DNAH11: variants seen among roughly 807,000 people sequenced by gnomAD.
The protein encoded by DNAH11 is dynein axonemal heavy chain 11.
DNAH11 carries 442 observed loss-of-function variants against 526.0 expected under a neutral mutation model. That is an observed-to-expected ratio of 0.84 (90% CI 0.78 to 0.91). The LOEUF (loss-of-function observed/expected upper bound fraction) is 0.91, where lower values mean the gene tolerates loss of function less well. Ranked by LOEUF, DNAH11 falls within the 40% of genes least tolerant of loss-of-function variation. DNAH11 has a pLI of 0.00. For synonymous variants in DNAH11, 2,461 were observed against 1,935.9 expected (o/e 1.27, Z -7.12); for missense variants, 6,989 against 5,448.7 (o/e 1.28, Z -8.90).
chr7:21,789,013 G>C (rs931809444), intron 60 of DNAH11, among the ~76,000 whole-genome samples: 2 of 152,108 alleles, frequency 1.3e-5, no homozygotes, highest in African/African-American at 4.8e-5. Flanking sequence ...AACAGGCCAG[G>C]TGTGGTGGCA....
intron 55 of DNAH11, among the ~76,000 whole-genome samples, chr7:21,769,579 G>A (rs1787334889): frequency 6.6e-6 from 1 of 151,886 alleles, no homozygotes; most frequent in Admixed American, 6.6e-5. Context: ...CCGCCTCTCG[G>A]GTTCAAGTGA....
intron 5 of DNAH11, 33 bp downstream of exon 5, chr7:21,561,203 A>G: frequency 1.4e-6 from 2 of 1,464,258 alleles, no homozygotes; most frequent in Non-Finnish European, 1.9e-6. Context: ...TGGCATCAAT[A>G]TCACCATCTG....
At chr7:21,818,365 A>G (rs761906642) in intron 65 of DNAH11, 26 bp downstream of exon 65, 22 of 1,597,682 alleles carry the variant, frequency 1.4e-5, no homozygotes, top group African/African-American at 2.7e-5. Flanking sequence ...TTTTTAACAT[A>G]TATATCTTGC....
At chr7:21,555,196 C>T (rs761566573) in intron 2 of DNAH11, among the ~76,000 whole-genome samples, 7 of 152,276 alleles carry the variant, frequency 4.6e-5, no homozygotes, top group Non-Finnish European at 7.4e-5. Context: ...GCTTGGTACA[C>T]CCAATTTTTA....
At chr7:21,544,260 T>G (rs1245293465) in intron 1 of DNAH11, among the ~76,000 whole-genome samples, 1 of 152,242 alleles carries the variant, frequency 6.6e-6, no homozygotes, top group African/African-American at 2.4e-5. Flanking sequence ...TGGAGCAAGA[T>G]TCACAATTTT....
At chr7:21,560,878 A>G (rs1783429530) in intron 4 of DNAH11, among the ~76,000 whole-genome samples, 193 bp from the exon 5 acceptor site, 1 of 152,242 alleles carries the variant, frequency 6.6e-6, no homozygotes. Flanking sequence ...ACCTAAATGC[A>G]AAATAAAATA....
At chr7:21,601,761 C>G (rs1040164118) in intron 18 of DNAH11, 143 bp downstream of exon 18, 3 of 573,854 alleles carry the variant, frequency 5.2e-6, no homozygotes, top group Admixed American at 8.2e-5. Flanking sequence ...GGTTAGGAAT[C>G]TGATACTTAA....
chr7:21,735,431 C>T (rs1322455031), intron 45 of DNAH11, among the ~76,000 whole-genome samples: 1 of 152,152 alleles, frequency 6.6e-6, no homozygotes, highest in African/African-American at 2.4e-5. Context: ...CAATTGCTCT[C>T]CTCAAGCTAC....
At chr7:21,791,033 C>A (rs1377402422) in intron 61 of DNAH11, among the ~76,000 whole-genome samples, 2 of 152,162 alleles carry the variant, frequency 1.3e-5, no homozygotes, top group African/African-American at 4.8e-5. Context: ...GGCCTCAGCT[C>A]AGGCAGGAGC....
At chr7:21,861,446 C>T (rs1783060899) in intron 68 of DNAH11, among the ~76,000 whole-genome samples, 1 of 152,182 alleles carries the variant, frequency 6.6e-6, no homozygotes, top group Admixed American at 6.5e-5. Context: ...AAAAAAATTC[C>T]ACATTTCTTG....
chr7:21,678,449 A>T lies in DNAH11; in HGVS notation c.5329-3097A>T, dbSNP rs1473446713. Among the ~76,000 whole-genome samples the T allele has an allele frequency of 2.0e-5, 3 of 152,090 alleles. No individual in the cohort carries two copies. In the East Asian group the frequency reaches 5.8e-4, roughly 29 times the overall value. ...ATGCCAGTACCACACTGTTTTGATT[A>T]CTATAGCTTTGTAATATAATTTGAA... On this transcript the variant is annotated intron_variant, in intron 30 of 81. Transcript: ENST00000409508.
In DNAH11 at chr7:21,639,007, A is replaced by C; in HGVS notation, c.4886A>C (p.Tyr1629Ser). 6.2e-7 allele frequency: 1 copy of C among 1,613,560 alleles called. No individual in the cohort carries two copies. Among genetic ancestry groups the C allele is most frequent in the Non-Finnish European group, 8.5e-7 (1 of 1,179,686 alleles). ...AAGCGCATAGCCTTTCCTCGCTTCT[A>C]TTTCGTCTCTTCTGCTGATTTACTT... ...ETKRIAFPRF[Y>S]FVSSADLLDI... The change falls in exon 28 of 82, where the codon TAT becomes TCT. Residue 1629 changes from tyrosine (Y) to serine (S), a missense_variant. By Grantham distance (144) the Tyr-to-Ser change is moderately radical. Coordinates refer to ENST00000409508, the MANE Select transcript of DNAH11 (RefSeq NM_001277115.2).
At position 21,749,802 on chromosome 7, in the gene DNAH11, G is replaced by A. The variant is rs1381896074; in HGVS notation, c.8797+1G>A. On this transcript the variant is annotated splice_donor_variant, in intron 53 of 81. Coordinates refer to ENST00000409508, the MANE Select transcript of DNAH11 (RefSeq NM_001277115.2). LOFTEE classifies it high-confidence loss of function. ...CTGATTAATGACTTGCTGGCATCAG[G>A]TGATTAAACCAACACATTTCTTGAA... is the stretch of plus-strand genomic sequence containing the variant. 2 of 1,613,814 alleles carry A rather than the reference G, an allele frequency of 1.2e-6. No individual in the cohort carries two copies. The highest frequency in any genetic ancestry group is 1.7e-5 in the Admixed American group (1 of 60,012).
At chr7:21,682,931 C>T (rs765954386) in intron 31 of DNAH11, among the ~76,000 whole-genome samples, 1 of 152,258 alleles carries the variant, frequency 6.6e-6, no homozygotes, top group East Asian at 1.9e-4. Context: ...TGCAAAACAT[C>T]GCTTACCATG....
At chr7:21,713,230 A>G (rs1784527032) in intron 42 of DNAH11, among the ~76,000 whole-genome samples, 1 of 152,078 alleles carries the variant, frequency 6.6e-6, no homozygotes, top group African/African-American at 2.4e-5. Flanking sequence ...TACATCAGAA[A>G]TCTTCTGTTT....
At chr7:21,653,414 T>C (rs1470817331) in intron 28 of DNAH11, among the ~76,000 whole-genome samples, 1 of 152,202 alleles carries the variant, frequency 6.6e-6, no homozygotes, top group Non-Finnish European at 1.5e-5. Flanking sequence ...AGGAGAACTC[T>C]GCCTAAGATT....
intron 20 of DNAH11, 76 bp from the exon 21 acceptor site, chr7:21,615,038 A>G: frequency 7.1e-7 from 1 of 1,406,940 alleles, no homozygotes; most frequent in Non-Finnish European, 9.5e-7. Flanking sequence ...AAATGTCGAG[A>G]TAACCAGAGC....
At chr7:21,673,907 G>T (rs1466964438) in intron 30 of DNAH11, among the ~76,000 whole-genome samples, 2 of 147,920 alleles carry the variant, frequency 1.4e-5, no homozygotes, top group African/African-American at 5.0e-5. Context: ...TTATATTCAT[G>T]TTTTTTTTTT....
chr7:21,890,755 TTATA>T (rs1336496828), intron 76 of DNAH11, among the ~76,000 whole-genome samples: 1 of 152,184 alleles, frequency 6.6e-6, no homozygotes, highest in Non-Finnish European at 1.5e-5. Flanking sequence ...TTCATTATTC[TTATA>T]TATAAACATG....
Sources: gnomAD v4.1 joint callset for allele counts (sites outside exome capture counted in the v4.1 genomes callset) on GRCh38, gnomAD v4.1.1 for gene constraint, MANE v1.5 for transcripts, NCBI Gene and HGNC (gene_info 2026-07-23, HGNC 2026-07-21) for gene names.